Variants in LRRFIP1 observed in about 807,000 individuals in gnomAD.
The protein encoded by LRRFIP1 is LRR binding FLII interacting protein 1.
In LRRFIP1, 62 loss-of-function variants were observed where a neutral mutation model predicts 104.4. The observed-to-expected ratio is 0.59, with a 90% CI of 0.48 to 0.73. LRRFIP1 has a LOEUF of 0.73. Among genes scored for constraint, LRRFIP1 ranks in the 30% least tolerant of loss-of-function variants. The probability of loss-of-function intolerance (pLI) is 0.00; values close to 1 mark genes in which losing one functional copy is unlikely to be tolerated. For synonymous variants in LRRFIP1, 300 were observed against 299.0 expected, an observed-to-expected ratio of 1.00 and a Z score of -0.03; for missense variants, 796 against 824.5, an observed-to-expected ratio of 0.97 and a Z score of 0.42.
At chr2:237,648,954 G>A (rs1040015001) in intron 1 of LRRFIP1, among the ~76,000 whole-genome samples, 4 of 151,982 alleles carry the variant, frequency 2.6e-5, no homozygotes, top group Admixed American at 1.3e-4. Flanking sequence ...TGCAATGCAT[G>A]TGTCAGTCCC....
intron 10 of LRRFIP1, among the ~76,000 whole-genome samples, chr2:237,737,251 A>G (rs535294256): frequency 7.2e-4 from 109 of 152,250 alleles, no homozygotes; most frequent in African/African-American, 2.6e-3. Flanking sequence ...GAAAGTGGAA[A>G]TAAGAAGCCC....
chr2:237,673,221 G>C (rs1244193271), intron 1 of LRRFIP1, among the ~76,000 whole-genome samples: 1 of 152,192 alleles, frequency 6.6e-6, no homozygotes, highest in Non-Finnish European at 1.5e-5. Context: ...AAGGCTCTAA[G>C]TCACCACCAG....
intron 1 of LRRFIP1, among the ~76,000 whole-genome samples, chr2:237,694,131 T>C (rs11887501): frequency 0.036 from 5,418 of 152,306 alleles, 315 homozygotes; most frequent in African/African-American, 0.12. Flanking sequence ...GGGCTAGTTT[T>C]GGTCTTCACT....
chr2:237,723,429 A>T (rs1288492996), intron 6 of LRRFIP1, 119 bp from the exon 7 acceptor site: 6 of 984,288 alleles, frequency 6.1e-6, no homozygotes, highest in Non-Finnish European at 9.4e-6. Flanking sequence ...TTATGGAAAA[A>T]TGCATTTTTG....
intron 16 of LRRFIP1, among the ~76,000 whole-genome samples, chr2:237,756,894 C>T (rs1022406095): frequency 1.3e-5 from 2 of 152,162 alleles, no homozygotes; most frequent in East Asian, 3.9e-4. Context: ...ATGGAACAAG[C>T]ATCCTTCTAA....
At chr2:237,645,218 G>A (rs1298608140) in intron 1 of LRRFIP1, among the ~76,000 whole-genome samples, 3 of 152,228 alleles carry the variant, frequency 2.0e-5, no homozygotes, top group South Asian at 4.1e-4. Context: ...TCACCCTGAC[G>A]TATTCATCCA....
In LRRFIP1 at chr2:237,769,948, A is replaced by C. The variant is rs374974545; in HGVS notation, c.1465A>C (p.Arg489=). The C allele has an allele frequency of 8.7e-6, 14 of 1,602,024 alleles. No homozygotes were observed. In the South Asian group the frequency reaches 1.3e-4, roughly 15 times the overall value. ...KSTGDGTLDI[R]LKKLVDEREC... ...TGTCTTTGTGATTTCTTTAGATATT[A>C]GGTTGAAAAAGCTGGTTGATGAACG... The change falls in exon 20 of 24, where the codon AGG becomes CGG. Residue 489 remains arginine (R), a synonymous_variant. Transcript: ENST00000308482.
At chr2:237,644,082 G>C (rs12692205) in intron 1 of LRRFIP1, among the ~76,000 whole-genome samples, 93,990 of 152,120 alleles carry the variant, frequency 0.62, 29,945 homozygotes, top group African/African-American at 0.78. Flanking sequence ...GGTTTTTCCT[G>C]CCTTGTGTTT....
At chr2:237,678,665 C>G (rs992639579) in intron 1 of LRRFIP1, among the ~76,000 whole-genome samples, 1 of 151,782 alleles carries the variant, frequency 6.6e-6, no homozygotes, top group Non-Finnish European at 1.5e-5. Context: ...GCCACCAAGC[C>G]CAGCTAATTT....
chr2:237,709,690 G>A (rs190445133), intron 2 of LRRFIP1, among the ~76,000 whole-genome samples: 7 of 152,234 alleles, frequency 4.6e-5, no homozygotes, highest in African/African-American at 1.7e-4. Flanking sequence ...CCGCTGCTAG[G>A]AGTTTGCCGC....
chr2:237,656,429 A>C (rs1351065543), intron 1 of LRRFIP1, among the ~76,000 whole-genome samples: 1 of 152,248 alleles, frequency 6.6e-6, no homozygotes, highest in Non-Finnish European at 1.5e-5. Context: ...TATATGGTTT[A>C]TCATGTCTAT....
chr2:237,779,557 G>A lies in LRRFIP1; in HGVS notation c.*25G>A, dbSNP rs780251033. On this transcript the variant is annotated 3_prime_UTR_variant, in exon 24 of 24. Coordinates refer to ENST00000308482, the MANE Select transcript of LRRFIP1 (RefSeq NM_001137550.2). ...AATTCCAGCTCTGATCAGGCAACTG[G>A]TTGGTGACTGGAGAGCATTGTTTCA... 1 of 1,571,694 alleles carries A rather than the reference G, an allele frequency of 6.4e-7. No homozygotes were observed. The highest frequency in any genetic ancestry group is 1.3e-5 in the African/African-American group (1 of 74,196).
chr2:237,753,747 A>T (rs2058911093), intron 15 of LRRFIP1, among the ~76,000 whole-genome samples: 5 of 148,842 alleles, frequency 3.4e-5, no homozygotes. Context: ...AGCTGTGTTG[A>T]CACCACTGCA....
intron 13 of LRRFIP1, 63 bp from the exon 14 acceptor site, chr2:237,751,137 A>G: frequency 1.7e-6 from 2 of 1,190,820 alleles, no homozygotes; most frequent in Non-Finnish European, 2.4e-6. Context: ...CTGAAGTATA[A>G]AAGATTTAGG....
At chr2:237,762,728 G>T (rs200038179) in intron 19 of LRRFIP1, 1 of 1,614,200 alleles carries the variant, frequency 6.2e-7, no homozygotes, top group African/African-American at 1.3e-5. Context: ...GGACATAGAG[G>T]TATTCCCTGC....
intron 19 of LRRFIP1, chr2:237,764,810 T>G: frequency 1.0e-6 from 1 of 985,918 alleles, no homozygotes; most frequent in Non-Finnish European, 1.2e-6. Flanking sequence ...GATCTCATTG[T>G]TGATATACCT....
At chr2:237,679,038 G>A (rs577302439) in intron 1 of LRRFIP1, among the ~76,000 whole-genome samples, 20 of 152,236 alleles carry the variant, frequency 1.3e-4, no homozygotes, top group African/African-American at 2.2e-4. Flanking sequence ...GGCACAGCGC[G>A]CCTAGAATCT....
intron 1 of LRRFIP1, among the ~76,000 whole-genome samples, chr2:237,693,750 T>TAAA (rs1387372867): frequency 3.9e-5 from 6 of 152,118 alleles, no homozygotes. Context: ...CTGCTGGACT[T>TAAA]AGAGTCCTTG....
intron 19 of LRRFIP1, chr2:237,763,731 A>G (rs773809589): frequency 3.7e-6 from 6 of 1,614,254 alleles, no homozygotes; most frequent in South Asian, 3.3e-5. Context: ...GTACTAGCTG[A>G]TGGAGACACA....
Sources: gnomAD v4.1 joint callset for allele counts (sites outside exome capture counted in the v4.1 genomes callset) on GRCh38, gnomAD v4.1.1 for gene constraint, MANE v1.5 for transcripts, NCBI Gene and HGNC (gene_info 2026-07-23, HGNC 2026-07-21) for gene names.